The following CFAP43 variants were observed in gnomAD, a reference collection of about 807,000 sequenced individuals.
CFAP43 encodes cilia and flagella associated protein 43.
CFAP43 carries 155 observed loss-of-function variants against 218.9 expected under a neutral mutation model. That is an observed-to-expected ratio of 0.71 (90% CI 0.62 to 0.81). The LOEUF is 0.81. CFAP43 is among the 30% of genes least tolerant of loss of function. CFAP43 has a pLI of 0.00. For missense variants in CFAP43, 1,778 were observed against 1,954.3 expected (o/e 0.91, Z 1.70); for synonymous variants, 645 against 681.3 (o/e 0.95, Z 0.83).
chr10:104,210,334 A>T (rs1337049939), intron 5 of CFAP43, among the ~76,000 whole-genome samples: 2 of 152,244 alleles, frequency 1.3e-5, no homozygotes, highest in Non-Finnish European at 2.9e-5. Flanking sequence ...TTTTGAATGA[A>T]CTAATCTTCA....
rs569352711 is a variant in CFAP43 at position 104,185,202 on chromosome 10, TTTTC to T, written c.2011-60_2011-57del. Reference sequence around the variant, plus strand: ...TACAAATGCAATTCTACCACACGGCTTTTCTAATGGGGTTATATGCCCCTTTTTT... The same window carrying T: ...TACAAATGCAATTCTACCACACGGCTTAATGGGGTTATATGCCCCTTTTTT... On this transcript the variant is annotated intron_variant, in intron 15 of 37. Transcript: ENST00000357060. The T allele has an allele frequency of 1.1e-3, 1,708 of 1,605,158 alleles. 2 individuals are homozygous for T. Among genetic ancestry groups the T allele is most frequent in the South Asian group, 1.5e-3 (139 of 90,346 alleles).
intron 32 of CFAP43, among the ~76,000 whole-genome samples, chr10:104,142,681 T>A (rs756798550): frequency 7.9e-5 from 12 of 152,158 alleles, no homozygotes; most frequent in Non-Finnish European, 1.6e-4. Flanking sequence ...AATTATAGAA[T>A]CCTAGGTACT....
chr10:104,179,427 C>T (rs1421805587), intron 18 of CFAP43, among the ~76,000 whole-genome samples: 1 of 152,290 alleles, frequency 6.6e-6, no homozygotes, highest in South Asian at 2.1e-4. Flanking sequence ...GATCAATAGG[C>T]TAAATCCAGA....
intron 34 of CFAP43, among the ~76,000 whole-genome samples, chr10:104,138,425 C>G (rs2087548386): frequency 6.6e-6 from 1 of 152,084 alleles, no homozygotes; most frequent in African/African-American, 2.4e-5. Flanking sequence ...CTTGTAATCC[C>G]AACACTTTGG....
intron 8 of CFAP43, among the ~76,000 whole-genome samples, chr10:104,202,985 A>T (rs571361743): frequency 1.3e-4 from 20 of 152,224 alleles, no homozygotes; most frequent in Non-Finnish European, 2.6e-4. Context: ...TCTGAAGATC[A>T]TTCCATTAAT....
intron 37 of CFAP43, among the ~76,000 whole-genome samples, chr10:104,130,854 C>T (rs774886061): frequency 4.6e-5 from 7 of 151,746 alleles, no homozygotes; most frequent in South Asian, 2.1e-4. Context: ...AAAAATTAGC[C>T]GGGCATGGTG....
chr10:104,190,620 C>G (rs968756544), intron 12 of CFAP43, among the ~76,000 whole-genome samples: 3 of 152,216 alleles, frequency 2.0e-5, no homozygotes, highest in African/African-American at 7.2e-5. Flanking sequence ...TGGAACTCAT[C>G]AGCTCAACCT....
chr10:104,181,251 C>CCT (rs952213081), intron 17 of CFAP43, among the ~76,000 whole-genome samples: 1 of 152,000 alleles, frequency 6.6e-6, no homozygotes, highest in Non-Finnish European at 1.5e-5. Context: ...CCTTTCTTTT[C>CCT]CTCTCTCTCT....
intron 3 of CFAP43, among the ~76,000 whole-genome samples, chr10:104,222,286 G>T (rs1364575603): frequency 1.3e-5 from 2 of 152,138 alleles, no homozygotes; most frequent in Admixed American, 6.5e-5. Context: ...TAGCTCCCTC[G>T]TGTTTAGGCC....
chr10:104,158,290 C>G (rs1214903494), intron 27 of CFAP43, among the ~76,000 whole-genome samples: 1 of 152,080 alleles, frequency 6.6e-6, no homozygotes, highest in Non-Finnish European at 1.5e-5. Context: ...TTATTACACA[C>G]GAAGGAGAAA....
chr10:104,154,146 G>A (rs1383058140), intron 27 of CFAP43, among the ~76,000 whole-genome samples: 1 of 152,156 alleles, frequency 6.6e-6, no homozygotes, highest in Non-Finnish European at 1.5e-5. Context: ...TTTGTGGAAA[G>A]ATACTTTGAG....
chr10:104,147,152 C>T (rs562666278), intron 29 of CFAP43, among the ~76,000 whole-genome samples: 2 of 151,248 alleles, frequency 1.3e-5, no homozygotes, highest in East Asian at 1.9e-4. Context: ...ACACTAGTGG[C>T]TGACTTAGGC....
At position 104,192,243 on chromosome 10, in the gene CFAP43, A is replaced by C. The variant is rs536214108; in HGVS notation, c.1502T>G (p.Ile501Ser). The change falls in exon 12 of 38, where the codon ATC becomes AGC. Residue 501 changes from isoleucine to serine, a missense_variant. Ile to Ser is a moderately radical substitution (Grantham distance 142). Coordinates refer to ENST00000357060, the MANE Select transcript of CFAP43 (RefSeq NM_025145.7). ...VGTAEGKVFIINANSSSSFQI... is the reference protein window; with the variant it reads ...VGTAEGKVFISNANSSSSFQI... ...AAATGAGCTTGAGGAGTTGGCATTG[A>C]TAATAAAGACTTTTCCTTCTGCTGT... 6 of 1,613,190 alleles carry C rather than the reference A, an allele frequency of 3.7e-6. No homozygotes were observed. In the African/African-American group the frequency reaches 6.7e-5, roughly 18 times the overall value.
At chr10:104,166,916 T>C (rs2089184936) in intron 22 of CFAP43, among the ~76,000 whole-genome samples, 198 bp from the exon 23 acceptor site, 1 of 152,236 alleles carries the variant, frequency 6.6e-6, no homozygotes, top group African/African-American at 2.4e-5. Flanking sequence ...AAATGATAGA[T>C]AAATCAAAGG....
chr10:104,190,885 A>G (rs2090188296), intron 12 of CFAP43, among the ~76,000 whole-genome samples: 1 of 152,212 alleles, frequency 6.6e-6, no homozygotes, highest in African/African-American at 2.4e-5. Flanking sequence ...ATGGCCTTGA[A>G]CAAGTACTTA....
intron 9 of CFAP43, among the ~76,000 whole-genome samples, chr10:104,197,552 C>T (rs1240276139): frequency 1.3e-5 from 2 of 152,328 alleles, no homozygotes; most frequent in East Asian, 3.9e-4. Context: ...TAAATAAATA[C>T]TAACAGTTTA....
intron 6 of CFAP43, among the ~76,000 whole-genome samples, chr10:104,206,582 T>C (rs1210058475): frequency 9.9e-5 from 15 of 152,160 alleles, no homozygotes; most frequent in Non-Finnish European, 1.5e-5. Context: ...AAGAGGCAAT[T>C]TGACAGAGAT....
chr10:104,172,747 A>G (rs1247476109), intron 19 of CFAP43, among the ~76,000 whole-genome samples: 2 of 152,212 alleles, frequency 1.3e-5, no homozygotes, highest in African/African-American at 4.8e-5. Context: ...AATAAGGAAA[A>G]CTACAAAAAT....
chr10:104,189,038 AG>A lies in CFAP43; in HGVS notation c.1547-629del, dbSNP rs567697350. 7.9e-5 allele frequency among the ~76,000 whole-genome samples: 12 copies of A among 152,252 alleles called. No individual in the cohort carries two copies. The East Asian group carries it at 2.3e-3, about 29-fold the overall frequency. ...CCCTCTTCCTTAACAAGGAAGACCAAGGACATCTACATAAACTCAATCTCAA... is the reference window on the plus strand; with the variant it reads ...CCCTCTTCCTTAACAAGGAAGACCAAGACATCTACATAAACTCAATCTCAA... On this transcript the variant is annotated intron_variant, in intron 12 of 37. Coordinates refer to ENST00000357060, the MANE Select transcript of CFAP43 (RefSeq NM_025145.7).
Sources: allele counts gnomAD v4.1 joint callset (sites outside exome capture counted in the v4.1 genomes callset), GRCh38; gene constraint gnomAD v4.1.1; transcripts MANE v1.5; gene names NCBI Gene and HGNC (gene_info 2026-07-23, HGNC 2026-07-21).